FOXP2: variants seen among roughly 807,000 people sequenced by gnomAD.
FOXP2 encodes forkhead box protein P2.
FOXP2 carries 12 observed loss-of-function variants against 115.8 expected under a neutral mutation model. That is an observed-to-expected ratio of 0.10 (90% CI 0.07 to 0.17). The LOEUF (loss-of-function observed/expected upper bound fraction) is 0.17. Ranked by LOEUF, FOXP2 falls within the 10% of genes least tolerant of loss-of-function variation. The pLI is 1.00. For synonymous variants in FOXP2, 328 were observed against 297.7 expected (o/e 1.10, Z -1.05); for missense variants, 629 against 843.5 (o/e 0.75, Z 3.15).
At chr7:114,372,456 G>A (rs182456128) in intron 2 of FOXP2, among the ~76,000 whole-genome samples, 1 of 152,192 alleles carries the variant, frequency 6.6e-6, no homozygotes, top group East Asian at 1.9e-4. Flanking sequence ...GGGAAAACTG[G>A]GGAAAGAACG....
intron 2 of FOXP2, among the ~76,000 whole-genome samples, chr7:114,470,570 C>T (rs1032348753): frequency 1.4e-4 from 21 of 152,122 alleles, no homozygotes; most frequent in South Asian, 8.3e-4. Context: ...GTTTTTGGCA[C>T]GTAGTAGATG....
At chr7:114,432,144 G>A (rs1036944178) in intron 2 of FOXP2, among the ~76,000 whole-genome samples, 12 of 151,966 alleles carry the variant, frequency 7.9e-5, no homozygotes, top group Non-Finnish European at 1.5e-5. Flanking sequence ...AGGTGTTTAA[G>A]AGGCCATTGG....
chr7:114,651,251 A>T (rs1188288982), intron 8 of FOXP2, among the ~76,000 whole-genome samples: 1 of 152,092 alleles, frequency 6.6e-6, no homozygotes, highest in Non-Finnish European at 1.5e-5. Context: ...CATTTCACTT[A>T]TATGCAATGA....
chr7:114,536,046 T>A (rs150734276), intron 3 of FOXP2, among the ~76,000 whole-genome samples: 2 of 151,386 alleles, frequency 1.3e-5, no homozygotes, highest in African/African-American at 4.8e-5. Flanking sequence ...TGCATGAGAG[T>A]CTCTTCATGC....
chr7:114,628,159 CTT>C (rs1804698284), intron 3 of FOXP2, among the ~76,000 whole-genome samples: 2 of 151,956 alleles, frequency 1.3e-5, no homozygotes, highest in Admixed American at 6.6e-5. Flanking sequence ...TTTAATTACA[CTT>C]AAGACATTTC....
chr7:114,683,913 C>CT, intron 16 of FOXP2, among the ~76,000 whole-genome samples: 1 of 10,118 alleles, frequency 9.9e-5, no homozygotes, highest in Admixed American at 1.6e-3. Context: ...CCTCTTTCAA[C>CT]CCCGTGTCTC....
chr7:114,548,431 G>A (rs991826008), intron 3 of FOXP2, among the ~76,000 whole-genome samples: 4 of 152,166 alleles, frequency 2.6e-5, no homozygotes, highest in African/African-American at 9.7e-5. Flanking sequence ...CCAACATCTA[G>A]CAACTTCTGC....
chr7:114,646,371 G>T (rs774801462), intron 8 of FOXP2, among the ~76,000 whole-genome samples: 1 of 151,880 alleles, frequency 6.6e-6, no homozygotes, highest in African/African-American at 2.4e-5. Flanking sequence ...ATTGAAAGAA[G>T]CATTTAATTT....
At chr7:114,547,690 C>T (rs1321618597) in intron 3 of FOXP2, among the ~76,000 whole-genome samples, 4 of 151,976 alleles carry the variant, frequency 2.6e-5, no homozygotes, top group South Asian at 2.1e-4. Flanking sequence ...ACCCGGGAGG[C>T]GGAGGTTGCA....
At chr7:114,101,943 A>T (rs1455373300) in intron 1 of FOXP2, among the ~76,000 whole-genome samples, 4 of 115,076 alleles carry the variant, frequency 3.5e-5, no homozygotes, top group Non-Finnish European at 8.2e-5. Context: ...GTGTGTGTCT[A>T]GAAGGCAAAA....
chr7:114,210,830 T>C (rs953943564), intron 1 of FOXP2, among the ~76,000 whole-genome samples: 5 of 152,082 alleles, frequency 3.3e-5, no homozygotes, highest in African/African-American at 4.8e-5. Flanking sequence ...GCTCTATCTG[T>C]AGGACCCTTC....
intron 2 of FOXP2, among the ~76,000 whole-genome samples, chr7:114,387,637 A>G (rs567725822): frequency 2.0e-5 from 3 of 152,284 alleles, no homozygotes; most frequent in African/African-American, 7.2e-5. Context: ...AGCTCAATAG[A>G]CACACAAAAC....
At chr7:114,162,004 A>T (rs146839362), upstream of FOXP2, among the ~76,000 whole-genome samples, 541 of 152,234 alleles carry the variant, frequency 3.6e-3, 4 homozygotes, top group African/African-American at 0.012. Context: ...GATGGTCGTG[A>T]ACCCCTGAGC....
At chr7:114,386,004 A>G (rs918074999) in intron 2 of FOXP2, among the ~76,000 whole-genome samples, 5 of 152,372 alleles carry the variant, frequency 3.3e-5, no homozygotes, top group African/African-American at 9.6e-5. Context: ...ACTAGTGTTC[A>G]GCTCGATTAG....
At chr7:114,624,306 G>A (rs994858958) in intron 3 of FOXP2, among the ~76,000 whole-genome samples, 1 of 151,782 alleles carries the variant, frequency 6.6e-6, no homozygotes, top group African/African-American at 2.4e-5. Context: ...GTACCAAGAA[G>A]GCAAAAGAGT....
At chr7:114,612,281 C>T (rs1296862645) in intron 3 of FOXP2, among the ~76,000 whole-genome samples, 1 of 151,950 alleles carries the variant, frequency 6.6e-6, no homozygotes, top group Non-Finnish European at 1.5e-5. Flanking sequence ...AAGAGCAACA[C>T]AGGGCATCCT....
Position 114,528,833 on chromosome 7 carries a change from G to T in FOXP2, c.169-5784G>T, listed in dbSNP as rs577385379. ...AAAAAGTAAATCTAAAATCTATTTG[G>T]GAAAATAATAAAATGTTTTATAGCA... On this transcript the variant is annotated intron_variant, in intron 2 of 16. Coordinates refer to ENST00000350908, the MANE Select transcript of FOXP2 (RefSeq NM_014491.4). Among the ~76,000 whole-genome samples the T allele has an allele frequency of 2.0e-5, 3 of 151,342 alleles. No homozygotes were observed. The South Asian group carries it at 6.3e-4, about 32-fold the overall frequency.
chr7:114,108,893 T>C (rs769202820), intron 1 of FOXP2, among the ~76,000 whole-genome samples: 71 of 151,994 alleles, frequency 4.7e-4, no homozygotes, highest in Admixed American at 2.9e-3. Context: ...AATGATGAAC[T>C]ATATCTAGCA....
chr7:114,615,037 G>A (rs1351531013), intron 3 of FOXP2, among the ~76,000 whole-genome samples: 1 of 152,058 alleles, frequency 6.6e-6, no homozygotes, highest in African/African-American at 2.4e-5. Context: ...TGGCCAACAT[G>A]GTGAAACCCC....
Sources: allele counts gnomAD v4.1 joint callset (sites outside exome capture counted in the v4.1 genomes callset), GRCh38; gene constraint gnomAD v4.1.1; transcripts MANE v1.5; gene names NCBI Gene and HGNC (gene_info 2026-07-23, HGNC 2026-07-21).